Variants in SMC2 observed in about 807,000 individuals in gnomAD.
SMC2 encodes structural maintenance of chromosomes protein 2.
SMC2 carries 41 observed loss-of-function variants against 142.6 expected under a neutral mutation model. The ratio of observed to expected loss-of-function variants is 0.29; its 90% CI spans 0.22 to 0.37. The LOEUF is 0.37. Ranked by LOEUF, SMC2 falls within the 10% of genes least tolerant of loss-of-function variation. SMC2 has a pLI of 1.00. For synonymous variants in SMC2, 463 were observed against 457.5 expected (o/e 1.01, Z -0.15); for missense variants, 1,265 against 1,373.7 (o/e 0.92, Z 1.25).
chr9:104,107,147 A>G (rs1564080122), intron 9 of SMC2, among the ~76,000 whole-genome samples: 1 of 152,202 alleles, frequency 6.6e-6, no homozygotes, highest in Non-Finnish European at 1.5e-5. Flanking sequence ...TCTGTTTGAT[A>G]ATCAAGCTCT....
rs968903086 is a variant in SMC2, at chr9:104,116,563, A to G, written c.1791+244A>G. On this transcript the variant is annotated intron_variant, in intron 14 of 24. Coordinates refer to ENST00000374793, the MANE Select transcript of SMC2 (RefSeq NM_006444.3). ...TTAACCTTAAGTCACATGACTATCA[A>G]TCAGGTGATGGTGAAAATTACACTC... Among the ~76,000 whole-genome samples, 108 of 28,614 alleles carry G rather than the reference A, an allele frequency of 3.8e-3. 1 individual carries two copies. Among genetic ancestry groups the G allele is most frequent in the African/African-American group, 0.035 (101 of 2,854 alleles). The allele number at this position is 28,614 out of a possible 152,430, so 18.8% of individuals were successfully genotyped here.
intron 12 of SMC2, among the ~76,000 whole-genome samples, chr9:104,114,371 A>T (rs959224089): frequency 3.2e-4 from 48 of 152,198 alleles, no homozygotes; most frequent in African/African-American, 1.1e-3. Flanking sequence ...AATGTTAAAT[A>T]TCCACATTTA....
intron 20 of SMC2, among the ~76,000 whole-genome samples, chr9:104,128,586 A>G (rs1834572120): frequency 6.6e-6 from 1 of 152,208 alleles, no homozygotes; most frequent in Non-Finnish European, 1.5e-5. Flanking sequence ...TTTACAGGTC[A>G]AAAGGAAGAT....
At chr9:104,088,503 C>T in the SMC2 span, among the ~76,000 whole-genome samples, 1 of 151,994 alleles carries the variant, frequency 6.6e-6, no homozygotes, top group Non-Finnish European at 1.5e-5. Context: ...GGTTTAAATA[C>T]ACATAGAAAT....
At chr9:104,100,772 T>C (rs562889974) in intron 7 of SMC2, among the ~76,000 whole-genome samples, 2 of 152,308 alleles carry the variant, frequency 1.3e-5, no homozygotes, top group South Asian at 2.1e-4. Context: ...GACACCCTCA[T>C]TGAGAACAAT....
chr9:104,116,483 T>C (rs1242760897), intron 14 of SMC2, among the ~76,000 whole-genome samples, 164 bp downstream of exon 14: 1 of 152,156 alleles, frequency 6.6e-6, no homozygotes, highest in Non-Finnish European at 1.5e-5. Context: ...AATAGAGATG[T>C]TGGAAGACTT....
At chr9:104,099,581 G>T in intron 4 of SMC2, 63 bp from the exon 5 acceptor site, 1 of 996,360 alleles carries the variant, frequency 1.0e-6, no homozygotes. Flanking sequence ...AAACATGAAT[G>T]GCAGTACAGA....
chr9:104,125,006 A>C lies in SMC2; in HGVS notation c.2352A>C (p.Glu784Asp), dbSNP rs1386611191. The C allele has an allele frequency of 6.2e-7, 1 of 1,607,626 alleles. No individual in the cohort carries two copies. The highest frequency in any genetic ancestry group is 1.1e-5 in the South Asian group (1 of 89,360). The change falls in exon 18 of 25, where the codon GAA becomes GAC. Residue 784 changes from glutamate to aspartate, a missense_variant. This residue lies in a region of SMC2 where 898 missense variants were observed against 904.2 expected (regional missense o/e 0.99). Transcript: ENST00000374793. Reference protein sequence around the residue: ...EVLENKMKNAEAERERELKDA... With the variant: ...EVLENKMKNADAERERELKDA... ...TGGAAAATAAAATGAAAAATGCAGA[A>C]GCTGAAAGAGAGCGAGAACTGAAAG...
intron 21 of SMC2, 68 bp from the exon 22 acceptor site, chr9:104,131,941 C>A (rs2131542723): frequency 1.2e-6 from 1 of 814,674 alleles, no homozygotes; most frequent in Non-Finnish European, 2.0e-6. Flanking sequence ...CTGTTTATTT[C>A]TGACCAAATT....
At position 104,123,332 on chromosome 9, in the gene SMC2, G is replaced by C. The variant is rs1194286539; in HGVS notation, c.2257+100G>C. The C allele has an allele frequency of 1.7e-5, 21 of 1,229,112 alleles. No homozygotes were observed. In the East Asian group the frequency reaches 5.2e-4, roughly 31 times the overall value. 76.1% of individuals were successfully genotyped at this position (1,229,112 alleles called of 1,614,324 possible). ...CCTGTGCTATGTTTAAGATATATAT[G>C]ATAAAGTTTATTTAGGGAAAATCCA... On this transcript the variant is annotated intron_variant, in intron 17 of 24. Coordinates refer to ENST00000374793, the MANE Select transcript of SMC2 (RefSeq NM_006444.3).
intron 23 of SMC2, among the ~76,000 whole-genome samples, chr9:104,136,546 G>T (rs1249599252): frequency 6.6e-6 from 1 of 151,862 alleles, no homozygotes; most frequent in African/African-American, 2.4e-5. Flanking sequence ...GTTATTTTTA[G>T]ATATACCACT....
rs368492314 is a variant in SMC2, at chr9:104,111,571, C to T, written c.1021-10C>T. On this transcript the variant is annotated splice_polypyrimidine_tract_variant and intron_variant, in intron 9 of 24. Coordinates refer to ENST00000374793, the MANE Select transcript of SMC2 (RefSeq NM_006444.3). ...ATATAATATTTTTCCATTTGAAACT[C>T]TTCCTAAAGGACTCAAAAACTTTAG... 8.3e-5 allele frequency: 131 copies of T among 1,582,620 alleles called. 1 individual carries two copies. Among genetic ancestry groups the T allele is most frequent in the Non-Finnish European group, 1.1e-4 (125 of 1,155,790 alleles).
At chr9:104,097,119 GTTTTTTT>G (rs71501412) in intron 3 of SMC2, among the ~76,000 whole-genome samples, 1 of 104,120 alleles carries the variant, frequency 9.6e-6, no homozygotes, top group East Asian at 2.5e-4. Context: ...GCTTGTCAAG[GTTTTTTT>G]TTTTTTTTTT....
chr9:104,133,557 C>G (rs532310128), intron 22 of SMC2, among the ~76,000 whole-genome samples: 8 of 152,240 alleles, frequency 5.3e-5, no homozygotes, highest in African/African-American at 1.9e-4. Context: ...ACTTGGCTGT[C>G]AAGTCCTTTG....
rs1833361628 is a variant in SMC2 at position 104,118,347 on chromosome 9, G to A, written c.1968G>A (p.Val656=). ...MTRTVTLGGD[V]FDPHGTLSGG... ...GAACTGTAACTCTCGGAGGTGATGT[G>A]TTTGATCCTCATGGGACATTGAGTG... The change falls in exon 15 of 25, where the codon GTG becomes GTA. Residue 656 remains valine (V), a synonymous_variant. Coordinates refer to ENST00000374793, the MANE Select transcript of SMC2 (RefSeq NM_006444.3). 2.5e-6 allele frequency: 4 copies of A among 1,613,210 alleles called. No individual in the cohort carries two copies. Among genetic ancestry groups the A allele is most frequent in the African/African-American group, 2.7e-5 (2 of 74,868 alleles).
intron 21 of SMC2, among the ~76,000 whole-genome samples, chr9:104,131,243 A>C (rs1331476741): frequency 6.6e-6 from 1 of 152,188 alleles, no homozygotes; most frequent in African/African-American, 2.4e-5. Context: ...GTTATGTCAG[A>C]GAAAGAGCAT....
intron 4 of SMC2, among the ~76,000 whole-genome samples, chr9:104,099,279 A>G (rs2131300398): frequency 6.6e-6 from 1 of 152,260 alleles, no homozygotes; most frequent in African/African-American, 2.4e-5. Context: ...GAGGGTTATC[A>G]TTCAAAGAAA....
chr9:104,095,681 C>A, intron 2 of SMC2, 129 bp downstream of exon 2: 1 of 676,964 alleles, frequency 1.5e-6, no homozygotes, highest in Non-Finnish European at 2.5e-6. Context: ...CTCACTGCAA[C>A]CTTTTAAGGA....
In SMC2 at chr9:104,114,076, A is replaced by C; in HGVS notation, c.1527A>C (p.Ala509=). The C allele has an allele frequency of 6.6e-7, 1 of 1,513,390 alleles. No homozygotes were observed. Among genetic ancestry groups the C allele is most frequent in the Non-Finnish European group, 9.1e-7 (1 of 1,104,718 alleles). 93.7% of individuals were successfully genotyped at this position (1,513,390 alleles called of 1,614,324 possible). ...CCAGATTTCCCAATCTTCGATTTGCATACAAGTAAGAGACTTAAGCCTTGA... is the reference window on the plus strand; with the variant it reads ...CCAGATTTCCCAATCTTCGATTTGCCTACAAGTAAGAGACTTAAGCCTTGA... ...LLARFPNLRF[A]YKDPEKNWNR... The change falls in exon 12 of 25, where the codon GCA becomes GCC. Residue 509 remains alanine, a synonymous_variant. Coordinates refer to ENST00000374793, the MANE Select transcript of SMC2 (RefSeq NM_006444.3).
Sources: allele counts gnomAD v4.1 joint callset (sites outside exome capture counted in the v4.1 genomes callset), GRCh38; gene constraint gnomAD v4.1.1; regional missense constraint gnomAD v4.1.1; transcripts MANE v1.5; gene names NCBI Gene and HGNC (gene_info 2026-07-23, HGNC 2026-07-21).